PRKCI: variants seen among roughly 807,000 people sequenced by gnomAD.
The protein encoded by PRKCI is protein kinase C iota type.
Under a neutral mutation model 84.0 loss-of-function variants are expected in PRKCI, and 43 were observed. That is an observed-to-expected ratio of 0.51 (90% CI 0.40 to 0.66). The LOEUF (loss-of-function observed/expected upper bound fraction) is 0.66. PRKCI is among the 30% of genes least tolerant of loss of function. The probability of loss-of-function intolerance (pLI) is 0.00; values close to 1 mark genes in which losing one functional copy is unlikely to be tolerated. For synonymous variants in PRKCI, 216 were observed against 234.4 expected (o/e 0.92, Z 0.72); for missense variants, 459 against 745.6 (o/e 0.62, Z 4.48).
Position 170,273,266 on chromosome 3 carries a change from G to A in PRKCI, c.592-20G>A. ...TAGAGGTACTCCACTGAGTTACTGT[G>A]TCTTTGGAAATGTTTGTAGGAACCA... is the stretch of plus-strand genomic sequence containing the variant. On this transcript the variant is annotated intron_variant, in intron 6 of 17. Transcript: ENST00000295797. 2 of 1,607,880 alleles carry A rather than the reference G, an allele frequency of 1.2e-6. No homozygotes were observed. The highest frequency in any genetic ancestry group is 1.7e-6 in the Non-Finnish European group (2 of 1,174,592).
chr3:170,275,370 G>C, intron 8 of PRKCI, 83 bp downstream of exon 8: 1 of 1,300,222 alleles, frequency 7.7e-7, no homozygotes, highest in East Asian at 2.6e-5. Flanking sequence ...ATATTGACCT[G>C]CTTAGACTTT....
intron 5 of PRKCI, among the ~76,000 whole-genome samples, chr3:170,268,479 C>CAAAA (rs77046182): frequency 0.045 from 3,014 of 66,564 alleles, 72 homozygotes; most frequent in East Asian, 0.15. Context: ...GACTCAGTTT[C>CAAAA]AAAAAAAAAA....
chr3:170,261,098 A>G (rs572337451), intron 3 of PRKCI, among the ~76,000 whole-genome samples: 4 of 150,102 alleles, frequency 2.7e-5, no homozygotes, highest in African/African-American at 9.8e-5. Context: ...CTGAGACCAC[A>G]GGCACTGCCG....
chr3:170,233,017 T>C (rs575897322), intron 1 of PRKCI, among the ~76,000 whole-genome samples: 13 of 152,064 alleles, frequency 8.5e-5, no homozygotes, highest in African/African-American at 3.1e-4. Context: ...TTTTTTATAA[T>C]TAATAATTTG....
intron 8 of PRKCI, among the ~76,000 whole-genome samples, chr3:170,278,879 A>G (rs1734179721): frequency 6.6e-6 from 1 of 152,092 alleles, no homozygotes; most frequent in Non-Finnish European, 1.5e-5. Flanking sequence ...CTCTGAACTC[A>G]CTCATTACAC....
chr3:170,262,759 G>C (rs969368885), intron 3 of PRKCI, among the ~76,000 whole-genome samples: 1 of 151,632 alleles, frequency 6.6e-6, no homozygotes, highest in East Asian at 1.9e-4. Context: ...GATTAGAGGC[G>C]TAAGCCAACG....
At chr3:170,235,433 A>T in intron 2 of PRKCI, 82 bp downstream of exon 2, 2 of 1,466,434 alleles carry the variant, frequency 1.4e-6, no homozygotes, top group Non-Finnish European at 1.9e-6. Flanking sequence ...AATGAGTCCT[A>T]AAAAGTTTAA....
intron 2 of PRKCI, 31 bp from the exon 3 acceptor site, chr3:170,259,938 G>C (rs768827025): frequency 7.0e-7 from 1 of 1,435,814 alleles, no homozygotes; most frequent in Non-Finnish European, 9.6e-7. Flanking sequence ...GGGTTTTAAA[G>C]TGACCTTTAC....
intron 3 of PRKCI, 68 bp downstream of exon 3, chr3:170,260,126 C>T (rs1733686593): frequency 9.7e-7 from 1 of 1,027,992 alleles, no homozygotes; most frequent in Non-Finnish European, 1.4e-6. Flanking sequence ...TTATTCTTCA[C>T]CATTTTGAAA....
At chr3:170,281,346 C>G (rs955711963) in intron 10 of PRKCI, 83 bp downstream of exon 10, 9 of 1,093,840 alleles carry the variant, frequency 8.2e-6, no homozygotes, top group Non-Finnish European at 1.2e-5. Context: ...TGCCCTAATT[C>G]ATGAAGTTGA....
chr3:170,274,686 C>T (rs1468199447), intron 7 of PRKCI, among the ~76,000 whole-genome samples: 1 of 151,730 alleles, frequency 6.6e-6, no homozygotes, highest in Non-Finnish European at 1.5e-5. Flanking sequence ...ATCTCGTAGT[C>T]ATAGAATGAT....
At chr3:170,275,114 AAAACT>A (rs1184269808) in intron 7 of PRKCI, 110 bp from the exon 8 acceptor site, 4 of 1,280,406 alleles carry the variant, frequency 3.1e-6, no homozygotes, top group Non-Finnish European at 4.1e-6. Context: ...TTCAGAAGTA[AAAACT>A]AAAATAAAAA....
intron 2 of PRKCI, among the ~76,000 whole-genome samples, chr3:170,253,958 A>G (rs1486759850): frequency 2.0e-5 from 3 of 150,462 alleles, no homozygotes; most frequent in Admixed American, 2.0e-4. Context: ...TTAGCTGGGC[A>G]TGGTGGCACG....
At chr3:170,290,420 G>T (rs1480447406) in intron 12 of PRKCI, among the ~76,000 whole-genome samples, 2 of 151,688 alleles carry the variant, frequency 1.3e-5, no homozygotes, top group African/African-American at 4.8e-5. Flanking sequence ...TACTTAAAAG[G>T]ATATATAATC....
At chr3:170,244,649 A>C (rs1733223276) in intron 2 of PRKCI, 1 of 152,180 alleles carries the variant, frequency 6.6e-6, no homozygotes, top group Admixed American at 6.5e-5. Flanking sequence ...TGAAAAATCA[A>C]CTCACAAGAG....
intron 2 of PRKCI, among the ~76,000 whole-genome samples, chr3:170,244,046 A>G (rs916763984): frequency 6.6e-6 from 1 of 152,244 alleles, no homozygotes; most frequent in Non-Finnish European, 1.5e-5. Context: ...GGTTCCTGAC[A>G]GTGCCTAAAA....
At chr3:170,256,213 A>G (rs1204327199) in intron 2 of PRKCI, among the ~76,000 whole-genome samples, 2 of 152,138 alleles carry the variant, frequency 1.3e-5, no homozygotes, top group East Asian at 1.9e-4. Context: ...TGAGTTTGAA[A>G]CTATTCCCTC....
intron 14 of PRKCI, among the ~76,000 whole-genome samples, chr3:170,293,837 T>A (rs1734628966): frequency 6.6e-6 from 1 of 151,952 alleles, no homozygotes; most frequent in Non-Finnish European, 1.5e-5. Flanking sequence ...CACACCACTA[T>A]GCCCGGCTAA....
At chr3:170,232,426 C>A (rs1026593763) in intron 1 of PRKCI, among the ~76,000 whole-genome samples, 2 of 150,520 alleles carry the variant, frequency 1.3e-5, no homozygotes, top group African/African-American at 4.9e-5. Flanking sequence ...AGTGCAATGA[C>A]ATAGTCACAG....
Sources: gnomAD v4.1 joint callset for allele counts (sites outside exome capture counted in the v4.1 genomes callset) on GRCh38, gnomAD v4.1.1 for gene constraint, MANE v1.5 for transcripts, NCBI Gene and HGNC (gene_info 2026-07-23, HGNC 2026-07-21) for gene names.